NINL: variants seen among roughly 807,000 people sequenced by gnomAD.
NINL encodes the protein ninein-like protein.
In NINL, 153 loss-of-function variants were observed where a neutral mutation model predicts 160.3. The observed-to-expected ratio is 0.95, with a 90% confidence interval of 0.84 to 1.09. The LOEUF (loss-of-function observed/expected upper bound fraction) is 1.09, where lower values mean the gene tolerates loss of function less well. Ranked by LOEUF, NINL falls within the 50% of genes least tolerant of loss-of-function variation. The probability of loss-of-function intolerance (pLI) is 0.00; values close to 1 mark genes in which losing one functional copy is unlikely to be tolerated. For missense variants in NINL, 1,829 were observed against 1,764.0 expected (o/e 1.04, Z -0.66); for synonymous variants, 800 against 734.8 (o/e 1.09, Z -1.43).
At chr20:25,474,663 T>C (rs1465997171) in intron 17 of NINL, among the ~76,000 whole-genome samples, 1 of 151,688 alleles carries the variant, frequency 6.6e-6, no homozygotes, top group Non-Finnish European at 1.5e-5. Flanking sequence ...CAGGCTGGAG[T>C]GCAGTGAGTG....
At chr20:25,502,843 G>A (rs1379287680) in intron 7 of NINL, among the ~76,000 whole-genome samples, 2 of 152,164 alleles carry the variant, frequency 1.3e-5, no homozygotes, top group Admixed American at 6.5e-5. Context: ...AGAAGCAGCC[G>A]AGCAGACACT....
intron 3 of NINL, among the ~76,000 whole-genome samples, chr20:25,517,048 G>A (rs529199462): frequency 1.6e-4 from 25 of 152,070 alleles, no homozygotes; most frequent in South Asian, 4.2e-4. Context: ...CTTTGTAAAC[G>A]TACACAAAGC....
At chr20:25,516,902 G>A (rs6115202) in intron 3 of NINL, among the ~76,000 whole-genome samples, 37,105 of 151,962 alleles carry the variant, frequency 0.24, 4,908 homozygotes, top group East Asian at 0.57. Context: ...GGAGAACCGG[G>A]ACCCAAATCC....
At chr20:25,472,750 G>C (rs2063137456) in intron 17 of NINL, among the ~76,000 whole-genome samples, 1 of 151,948 alleles carries the variant, frequency 6.6e-6, no homozygotes. Flanking sequence ...GACTGATCTT[G>C]AACTCCTGGG....
At chr20:25,478,220 T>C (rs1023654115) in intron 16 of NINL, among the ~76,000 whole-genome samples, 1 of 152,144 alleles carries the variant, frequency 6.6e-6, no homozygotes, top group Non-Finnish European at 1.5e-5. Flanking sequence ...AAAGTGCTGA[T>C]TACAGGTGTG....
intron 13 of NINL, among the ~76,000 whole-genome samples, chr20:25,483,139 C>T (rs1460013928): frequency 2.0e-5 from 3 of 149,470 alleles, no homozygotes. Flanking sequence ...TCGAGACCAT[C>T]CTGGCCAACA....
At chr20:25,484,527 G>C (rs2063468621) in intron 13 of NINL, among the ~76,000 whole-genome samples, 2 of 152,206 alleles carry the variant, frequency 1.3e-5, no homozygotes, top group Admixed American at 6.5e-5. Context: ...GCATGCCGCG[G>C]CACAGCAAGC....
At chr20:25,462,289 G>C in intron 20 of NINL, 94 bp downstream of exon 20, 2 of 1,209,302 alleles carry the variant, frequency 1.7e-6, no homozygotes, top group Non-Finnish European at 2.3e-6. Context: ...CTTCCCTCCA[G>C]GCTCCTCAGC....
chr20:25,561,659 G>A (rs1308619534), intron 1 of NINL, among the ~76,000 whole-genome samples: 1 of 151,162 alleles, frequency 6.6e-6, no homozygotes, highest in Non-Finnish European at 1.5e-5. Context: ...CATCGTCTGA[G>A]ATGTGGGGAG....
At chr20:25,575,317 G>A (rs2065102115) in intron 1 of NINL, among the ~76,000 whole-genome samples, 1 of 150,096 alleles carries the variant, frequency 6.7e-6, no homozygotes, top group African/African-American at 2.5e-5. Context: ...CGTGGTGGCA[G>A]GCGCCTGTAG....
At chr20:25,459,350 G>A (rs922937290) in intron 21 of NINL, among the ~76,000 whole-genome samples, 21 of 152,108 alleles carry the variant, frequency 1.4e-4, no homozygotes, top group Non-Finnish European at 5.9e-5. Flanking sequence ...CGAGCTGGGG[G>A]CCTGTCTTGG....
chr20:25,463,752 A>G (rs1371296681), intron 19 of NINL, among the ~76,000 whole-genome samples: 2 of 152,202 alleles, frequency 1.3e-5, no homozygotes, highest in African/African-American at 2.4e-5. Flanking sequence ...CTTTGCTTCT[A>G]TAGGTTTTAC....
chr20:25,541,590 T>G (rs919130988), intron 1 of NINL, among the ~76,000 whole-genome samples: 1 of 152,270 alleles, frequency 6.6e-6, no homozygotes, highest in Admixed American at 6.5e-5. Context: ...TCTATATAAT[T>G]ACAAAATATC....
Position 25,568,919 on chromosome 20 carries a change from C to T in NINL, c.-12+16536G>A, listed in dbSNP as rs532481522. Among the ~76,000 whole-genome samples the T allele has an allele frequency of 8.6e-5, 13 of 151,340 alleles. 1 individual carries two copies. The South Asian group carries it at 2.7e-3, about 32-fold the overall frequency. ...CTGGGCAACACATTGAGACCCCTCCCTGTCTCTACAAAATATTTTTTTTTT... is the reference window on the plus strand; with the variant it reads ...CTGGGCAACACATTGAGACCCCTCCTTGTCTCTACAAAATATTTTTTTTTT... On this transcript the variant is annotated intron_variant, in intron 1 of 23. Transcript: ENST00000278886.
Position 25,504,935 on chromosome 20 carries a change from G to A in NINL, c.661C>T (p.Leu221=). ...CCGACGCTCTGGCAGACCACAGCCAGCTCCTGCTCGCTCAGGTGTCCGCTG... is the reference window on the plus strand; with the variant it reads ...CCGACGCTCTGGCAGACCACAGCCAACTCCTGCTCGCTCAGGTGTCCGCTG... ...GSSGHLSEQE[L]AVVCQSVGLQ... The change falls in exon 6 of 24, where the codon CTG becomes TTG. Residue 221 remains leucine (L), a synonymous_variant. Transcript: ENST00000278886. 6.2e-7 allele frequency: 1 copy of A among 1,612,478 alleles called. No individual in the cohort carries two copies. The highest frequency in any genetic ancestry group is 8.5e-7 in the Non-Finnish European group (1 of 1,179,986).
At chr20:25,477,235 C>T (rs2063280909) in intron 16 of NINL, 146 bp from the exon 17 acceptor site, 1 of 771,788 alleles carries the variant, frequency 1.3e-6, no homozygotes, top group African/African-American at 1.8e-5. Flanking sequence ...TCAGCCCTGG[C>T]TTCAACCTAT....
chr20:25,489,171 A>G, intron 13 of NINL, 73 bp downstream of exon 13: 1 of 1,384,380 alleles, frequency 7.2e-7, no homozygotes, highest in Non-Finnish European at 1.0e-6. Context: ...CTCCTGCGTT[A>G]CTGTGGACCA....
chr20:25,525,528 C>T (rs897989948), intron 2 of NINL, among the ~76,000 whole-genome samples: 2 of 152,054 alleles, frequency 1.3e-5, no homozygotes, highest in Non-Finnish European at 2.9e-5. Context: ...GTGGTGCAGG[C>T]CTGTAGTCCC....
intron 13 of NINL, among the ~76,000 whole-genome samples, chr20:25,483,590 G>GT (rs1231563191): frequency 6.6e-6 from 1 of 152,296 alleles, no homozygotes; most frequent in Admixed American, 6.5e-5. Context: ...GATGATGTTG[G>GT]TAAGGAGACA....
Sources: allele counts gnomAD v4.1 joint callset (sites outside exome capture counted in the v4.1 genomes callset), GRCh38; gene constraint gnomAD v4.1.1; transcripts MANE v1.5; gene names NCBI Gene and HGNC (gene_info 2026-07-23, HGNC 2026-07-21).